SLC4A10: variants seen among roughly 807,000 people sequenced by gnomAD.
SLC4A10 encodes sodium-driven chloride bicarbonate exchanger.
A neutral mutation model predicts 137.7 loss-of-function variants in SLC4A10; 42 were observed. The observed-to-expected ratio is 0.30, with a 90% CI of 0.24 to 0.39. The LOEUF is 0.39. SLC4A10 is among the 10% of genes least tolerant of loss of function. The pLI is 1.00. For synonymous variants in SLC4A10, 474 were observed against 464.1 expected (o/e 1.02, Z -0.27); for missense variants, 925 against 1,355.0 (o/e 0.68, Z 4.98).
intron 3 of SLC4A10, among the ~76,000 whole-genome samples, chr2:161,819,024 A>G (rs1032077147): frequency 2.6e-5 from 4 of 152,110 alleles, no homozygotes; most frequent in Non-Finnish European, 4.4e-5. Context: ...TTCTTTTTCT[A>G]TCGATTGGAA....
chr2:161,805,955 G>C (rs565802685), intron 3 of SLC4A10, among the ~76,000 whole-genome samples: 2 of 152,184 alleles, frequency 1.3e-5, no homozygotes, highest in Admixed American at 6.5e-5. Flanking sequence ...GGTTCTCCAT[G>C]AGGGCCCTGC....
chr2:161,721,698 G>C (rs1001426160), intron 1 of SLC4A10, among the ~76,000 whole-genome samples: 3 of 152,120 alleles, frequency 2.0e-5, no homozygotes, highest in African/African-American at 7.2e-5. Flanking sequence ...TCTTACGGGG[G>C]TTCTCTGGAT....
At chr2:161,959,768 A>G (rs1696306687) in intron 21 of SLC4A10, among the ~76,000 whole-genome samples, 1 of 152,326 alleles carries the variant, frequency 6.6e-6, no homozygotes, top group Non-Finnish European at 1.5e-5. Flanking sequence ...GTGAAGGGAA[A>G]AGGGAGACTA....
intron 1 of SLC4A10, among the ~76,000 whole-genome samples, chr2:161,659,184 A>T (rs2037967054): frequency 6.6e-6 from 1 of 152,258 alleles, no homozygotes; most frequent in South Asian, 2.1e-4. Context: ...CTGGATAAAT[A>T]AAAGATGGTA....
At chr2:161,697,966 G>A (rs924929029) in intron 1 of SLC4A10, among the ~76,000 whole-genome samples, 46 of 152,098 alleles carry the variant, frequency 3.0e-4, no homozygotes, top group Non-Finnish European at 5.4e-4. Flanking sequence ...ATTTGTTTGT[G>A]TCCTCTTTTA....
chr2:161,957,081 A>T lies in SLC4A10; in HGVS notation c.2634A>T (p.Thr878=). ...IMGLPWFVAA[T]VLSITHVNSL... ...GCCTGCCATGGTTTGTGGCTGCCAC[A>T]GTCCTCTCCATCACTCATGTCAATA... The change falls in exon 20 of 27, where the codon ACA becomes ACT. Residue 878 remains threonine (T), a synonymous_variant. Coordinates refer to ENST00000446997, the MANE Select transcript of SLC4A10 (RefSeq NM_001178015.2). 6.2e-7 allele frequency: 1 copy of T among 1,613,184 alleles called. No homozygotes were observed. Among genetic ancestry groups the T allele is most frequent in the Non-Finnish European group, 8.5e-7 (1 of 1,179,690 alleles).
At chr2:161,642,308 A>C (rs2035425250) in intron 1 of SLC4A10, among the ~76,000 whole-genome samples, 1 of 151,990 alleles carries the variant, frequency 6.6e-6, no homozygotes, top group Non-Finnish European at 1.5e-5. Context: ...TGGCATTAGA[A>C]TCAGCTTTTC....
intron 1 of SLC4A10, among the ~76,000 whole-genome samples, chr2:161,757,798 T>C (rs2049828625): frequency 6.6e-6 from 1 of 152,146 alleles, no homozygotes; most frequent in African/African-American, 2.4e-5. Context: ...TTCTATCATA[T>C]GCTAAGTAGA....
chr2:161,803,959 C>T (rs561766587), intron 2 of SLC4A10, among the ~76,000 whole-genome samples: 251 of 152,046 alleles, frequency 1.7e-3, no homozygotes, highest in Admixed American at 3.1e-3. Flanking sequence ...AATAGGTGGC[C>T]AATATCAAGT....
intron 2 of SLC4A10, among the ~76,000 whole-genome samples, chr2:161,800,036 A>T (rs765621826): frequency 6.6e-6 from 1 of 152,040 alleles, no homozygotes; most frequent in Non-Finnish European, 1.5e-5. Context: ...AACCCTTTGA[A>T]ATGTAAACCA....
intron 1 of SLC4A10, among the ~76,000 whole-genome samples, chr2:161,706,871 C>T (rs533867783): frequency 1.3e-5 from 2 of 151,692 alleles, no homozygotes; most frequent in Admixed American, 1.3e-4. Flanking sequence ...CTACGGCTTT[C>T]ATGTCAACTT....
chr2:161,774,711 A>T (rs1397697031), intron 2 of SLC4A10, among the ~76,000 whole-genome samples: 1 of 151,904 alleles, frequency 6.6e-6, no homozygotes, highest in Non-Finnish European at 1.5e-5. Context: ...CTAGCCTAGC[A>T]TCAGAGTTCC....
chr2:161,817,466 C>A (rs907632772), intron 3 of SLC4A10, among the ~76,000 whole-genome samples: 1 of 152,108 alleles, frequency 6.6e-6, no homozygotes, highest in Non-Finnish European at 1.5e-5. Context: ...TTTTGCTGTG[C>A]AGAAGCTCTT....
intron 1 of SLC4A10, among the ~76,000 whole-genome samples, chr2:161,726,918 A>G (rs189481460): frequency 2.5e-3 from 374 of 152,290 alleles, no homozygotes; most frequent in Non-Finnish European, 4.2e-3. Context: ...CAAAAAGCAA[A>G]CAAACAAACA....
intron 15 of SLC4A10, among the ~76,000 whole-genome samples, chr2:161,914,670 A>G (rs1295026117): frequency 1.3e-5 from 2 of 152,016 alleles, no homozygotes; most frequent in Admixed American, 1.3e-4. Flanking sequence ...TTTTTATTAT[A>G]AAAGCAGATT....
At chr2:161,630,456 C>T (rs892473343) in intron 1 of SLC4A10, among the ~76,000 whole-genome samples, 1 of 151,560 alleles carries the variant, frequency 6.6e-6, no homozygotes, top group Non-Finnish European at 1.5e-5. Context: ...TATATTTTGA[C>T]CACAGGATTG....
chr2:161,787,759 T>A (rs1443521526), intron 2 of SLC4A10, among the ~76,000 whole-genome samples: 2 of 152,182 alleles, frequency 1.3e-5, no homozygotes, highest in African/African-American at 2.4e-5. Context: ...AATTTTTTTA[T>A]TTTCAGAAGT....
intron 1 of SLC4A10, among the ~76,000 whole-genome samples, chr2:161,637,920 A>C (rs1339508413): frequency 6.6e-6 from 1 of 152,134 alleles, no homozygotes; most frequent in Admixed American, 6.6e-5. Context: ...ATGAATGCCT[A>C]ATCAGATCTT....
At position 161,904,066 on chromosome 2, in the gene SLC4A10, G is replaced by A. The variant is rs1198476375; in HGVS notation, c.1505G>A (p.Arg502Lys). The stretch of plus-strand genomic sequence containing the variant: ...GCTCCATACTTCTGGAGTGACTTCA[G>A]AGATGCTTTCAGCCTGCAGTGCTTA... ...RKAPYFWSDFRDAFSLQCLAS... is the reference protein window; with the variant it reads ...RKAPYFWSDFKDAFSLQCLAS... Residue 502 changes from arginine to lysine, a missense_variant, in exon 13 of 27, where the codon AGA becomes AAA. This residue lies in a region of SLC4A10 where 61 missense variants were observed against 168.0 expected (regional missense o/e 0.36). Transcript: ENST00000446997. 6.2e-7 allele frequency: 1 copy of A among 1,601,330 alleles called. No homozygotes were observed. Among genetic ancestry groups the A allele is most frequent in the South Asian group, 1.1e-5 (1 of 88,742 alleles).
Sources: allele counts gnomAD v4.1 joint callset (sites outside exome capture counted in the v4.1 genomes callset), GRCh38; gene constraint gnomAD v4.1.1; regional missense constraint gnomAD v4.1.1; transcripts MANE v1.5; gene names NCBI Gene and HGNC (gene_info 2026-07-23, HGNC 2026-07-21).